Variants in CADM2 observed in about 807,000 individuals in gnomAD.
CADM2 encodes the protein immunoglobulin superfamily member 4D.
CADM2 carries 12 observed loss-of-function variants against 49.8 expected under a neutral mutation model. The observed-to-expected ratio is 0.24, with a 90% CI of 0.15 to 0.39. The LOEUF (loss-of-function observed/expected upper bound fraction) is 0.39, where lower values mean the gene tolerates loss of function less well. Among genes scored for constraint, CADM2 ranks in the 10% least tolerant of loss-of-function variants. The pLI, the probability that CADM2 is intolerant of heterozygous loss-of-function variation, is 1.00. For synonymous variants in CADM2, 214 were observed against 175.4 expected (o/e 1.22, Z -1.74); for missense variants, 378 against 492.3 (o/e 0.77, Z 2.20).
chr3:85,431,936 G>A (rs1043430685), intron 1 of CADM2, among the ~76,000 whole-genome samples: 1 of 126,758 alleles, frequency 7.9e-6, no homozygotes, highest in African/African-American at 2.8e-5. Context: ...TTATAGAGTA[G>A]GCTAGGAAGG....
intron 1 of CADM2, among the ~76,000 whole-genome samples, chr3:85,414,928 G>A (rs1397050072): frequency 6.6e-6 from 1 of 151,998 alleles, no homozygotes; most frequent in Non-Finnish European, 1.5e-5. Context: ...CTTATTATTA[G>A]CCTGAAAAAT....
intron 1 of CADM2, among the ~76,000 whole-genome samples, chr3:85,235,094 C>A (rs572433905): frequency 1.3e-5 from 2 of 152,000 alleles, no homozygotes; most frequent in African/African-American, 4.8e-5. Flanking sequence ...CTGTCATCCT[C>A]CTTAATCTAC....
intron 1 of CADM2, among the ~76,000 whole-genome samples, chr3:85,064,787 T>C (rs1433313226): frequency 6.6e-6 from 1 of 152,118 alleles, no homozygotes; most frequent in Non-Finnish European, 1.5e-5. Flanking sequence ...GCTGATTGAA[T>C]AATAGATGAT....
chr3:85,022,053 AC>A (rs2034534102), intron 1 of CADM2, among the ~76,000 whole-genome samples: 1 of 152,214 alleles, frequency 6.6e-6, no homozygotes, highest in African/African-American at 2.4e-5. Context: ...TAAACTACTA[AC>A]AGAGGGAAAA....
At chr3:85,464,687 A>G (rs1374566724) in intron 1 of CADM2, among the ~76,000 whole-genome samples, 1 of 152,222 alleles carries the variant, frequency 6.6e-6, no homozygotes, top group Non-Finnish European at 1.5e-5. Context: ...ATTACATCAC[A>G]TAATACCAAT....
chr3:85,823,490 C>T (rs1291831277), intron 3 of CADM2, among the ~76,000 whole-genome samples: 5 of 152,080 alleles, frequency 3.3e-5, no homozygotes, highest in Non-Finnish European at 5.9e-5. Context: ...GATTTCTAAG[C>T]ATTTTTCTCA....
At chr3:85,552,702 A>T (rs957299463) in intron 1 of CADM2, among the ~76,000 whole-genome samples, 26 of 139,130 alleles carry the variant, frequency 1.9e-4, no homozygotes, top group African/African-American at 7.1e-4. Context: ...TCTGAGACAG[A>T]GCCTCACTCT....
intron 1 of CADM2, among the ~76,000 whole-genome samples, chr3:85,257,468 A>G (rs1559746090): frequency 1.3e-5 from 2 of 152,140 alleles, no homozygotes; most frequent in African/African-American, 4.8e-5. Flanking sequence ...ATGAAAACAG[A>G]TAAATCTCAA....
chr3:86,054,850 T>C (rs1737731410), intron 8 of CADM2, among the ~76,000 whole-genome samples: 1 of 152,188 alleles, frequency 6.6e-6, no homozygotes, highest in African/African-American at 2.4e-5. Context: ...CAGAATACAT[T>C]GCCAAAATGG....
At chr3:85,479,038 G>C (rs1306060568) in intron 1 of CADM2, among the ~76,000 whole-genome samples, 1 of 151,564 alleles carries the variant, frequency 6.6e-6, no homozygotes, top group Non-Finnish European at 1.5e-5. Context: ...CAACCTCCTG[G>C]GCTCAAGGGA....
At chr3:85,357,274 C>A (rs928012906) in intron 1 of CADM2, among the ~76,000 whole-genome samples, 1 of 152,024 alleles carries the variant, frequency 6.6e-6, no homozygotes, top group African/African-American at 2.4e-5. Context: ...GCTGAAATTT[C>A]AAACATTAAC....
Position 85,428,445 on chromosome 3 carries a change from T to A in CADM2, c.62-298077T>A, listed in dbSNP as rs188817205. 3.2e-3 allele frequency among the ~76,000 whole-genome samples: 466 copies of A among 145,378 alleles called. 1 individual carries two copies. Among genetic ancestry groups the A allele is most frequent in the African/African-American group, 0.01 (414 of 40,392 alleles). ...TAAGGCTTATATATATATATAGATA[T>A]ATATGATATATATGATATGTATCAT... On this transcript the variant is annotated intron_variant, in intron 1 of 9. Transcript: ENST00000383699.
chr3:85,949,537 C>A (rs1051306213), intron 7 of CADM2, among the ~76,000 whole-genome samples: 1 of 151,184 alleles, frequency 6.6e-6, no homozygotes, highest in African/African-American at 2.4e-5. Flanking sequence ...ACCAAAACTC[C>A]TCTGTTTAAT....
At chr3:85,443,998 A>G (rs879622246) in intron 1 of CADM2, among the ~76,000 whole-genome samples, 6 of 152,130 alleles carry the variant, frequency 3.9e-5, no homozygotes, top group Admixed American at 1.3e-4. Context: ...AGTATTTACC[A>G]TCTCAGTATT....
intron 1 of CADM2, among the ~76,000 whole-genome samples, chr3:85,064,594 C>T (rs933356307): frequency 6.6e-6 from 1 of 151,860 alleles, no homozygotes; most frequent in African/African-American, 2.4e-5. Context: ...AATCTTGCCT[C>T]CTTTGGTTCT....
At chr3:85,736,164 A>C (rs2107809976) in intron 2 of CADM2, among the ~76,000 whole-genome samples, 1 of 152,342 alleles carries the variant, frequency 6.6e-6, no homozygotes, top group Non-Finnish European at 1.5e-5. Flanking sequence ...ATAAAACGAA[A>C]GAAAATGTAT....
chr3:85,277,949 A>G (rs1276215776), intron 1 of CADM2, among the ~76,000 whole-genome samples: 2 of 151,436 alleles, frequency 1.3e-5, no homozygotes, highest in African/African-American at 2.4e-5. Flanking sequence ...ATAGCCATAT[A>G]TGACTGCTTT....
At chr3:85,845,467 G>A (rs185145348) in intron 3 of CADM2, among the ~76,000 whole-genome samples, 1 of 152,242 alleles carries the variant, frequency 6.6e-6, no homozygotes, top group East Asian at 1.9e-4. Context: ...TTTCATGAAG[G>A]AAGTTTAAGC....
At chr3:85,472,853 C>T (rs1240215943) in intron 1 of CADM2, among the ~76,000 whole-genome samples, 1 of 151,976 alleles carries the variant, frequency 6.6e-6, no homozygotes, top group Non-Finnish European at 1.5e-5. Flanking sequence ...TTTTACCGAG[C>T]TAGGAGTGAT....
Sources: gnomAD v4.1 joint callset for allele counts (sites outside exome capture counted in the v4.1 genomes callset) on GRCh38, gnomAD v4.1.1 for gene constraint, MANE v1.5 for transcripts, NCBI Gene and HGNC (gene_info 2026-07-23, HGNC 2026-07-21) for gene names.